The following PTPRN2 variants were observed in gnomAD, a reference collection of about 807,000 sequenced individuals.
The protein encoded by PTPRN2 is protein tyrosine phosphatase receptor type N2, also known as receptor-type tyrosine-protein phosphatase N2.
A neutral mutation model predicts 118.8 loss-of-function variants in PTPRN2; 74 were observed. That is an observed-to-expected ratio of 0.62 (90% CI 0.52 to 0.76). The LOEUF is 0.76. PTPRN2 is among the 30% of genes least tolerant of loss of function. The pLI is 0.00. For missense variants in PTPRN2, 1,481 were observed against 1,394.4 expected (o/e 1.06, Z -0.99); for synonymous variants, 641 against 608.0 (o/e 1.05, Z -0.80).
chr7:157,935,950 G>A (rs1799672368), intron 11 of PTPRN2, among the ~76,000 whole-genome samples: 1 of 150,840 alleles, frequency 6.6e-6, no homozygotes, highest in Non-Finnish European at 1.5e-5. Flanking sequence ...GCTCCCTCAG[G>A]GGTGTCTAGC....
At chr7:157,623,427 T>G (rs528159602) in intron 14 of PTPRN2, among the ~76,000 whole-genome samples, 1 of 152,290 alleles carries the variant, frequency 6.6e-6, no homozygotes, top group Non-Finnish European at 1.5e-5. Context: ...AATGCTCTTT[T>G]CATAAAATCC....
intron 11 of PTPRN2, among the ~76,000 whole-genome samples, chr7:158,080,567 T>G (rs773794120): frequency 3.4e-4 from 43 of 127,302 alleles, no homozygotes; most frequent in Non-Finnish European, 6.4e-4. Context: ...CTACAAGAGT[T>G]TTCAACAAGT....
intron 3 of PTPRN2, among the ~76,000 whole-genome samples, chr7:158,307,883 G>A (rs1233196080): frequency 6.6e-6 from 1 of 152,084 alleles, no homozygotes; most frequent in Non-Finnish European, 1.5e-5. Flanking sequence ...GAGGGGACCT[G>A]GTGACTTTCT....
At chr7:158,429,475 C>T (rs761713721) in intron 2 of PTPRN2, among the ~76,000 whole-genome samples, 14 of 152,218 alleles carry the variant, frequency 9.2e-5, no homozygotes, top group African/African-American at 1.2e-4. Context: ...TCCCACGGAC[C>T]GTCAGCCCAA....
At chr7:158,359,140 G>A (rs114204424) in intron 2 of PTPRN2, among the ~76,000 whole-genome samples, 2,331 of 152,230 alleles carry the variant, frequency 0.015, 54 homozygotes, top group African/African-American at 0.053. Context: ...GGCCATGGCC[G>A]GCGAGTCCCT....
intron 12 of PTPRN2, among the ~76,000 whole-genome samples, chr7:157,862,037 C>T (rs1221103801): frequency 1.2e-5 from 1 of 86,404 alleles, no homozygotes. Flanking sequence ...CGGAGTCTGT[C>T]CTCCCCATCA....
At chr7:158,032,472 G>A (rs1214917495) in intron 11 of PTPRN2, among the ~76,000 whole-genome samples, 3 of 152,128 alleles carry the variant, frequency 2.0e-5, no homozygotes, top group Non-Finnish European at 4.4e-5. Flanking sequence ...ACAGGAGGAA[G>A]GCCGGATGCA....
chr7:157,873,240 C>T (rs1035194898), intron 12 of PTPRN2, among the ~76,000 whole-genome samples: 13 of 152,252 alleles, frequency 8.5e-5, no homozygotes, highest in African/African-American at 3.1e-4. Context: ...AATGTTTCCG[C>T]CACCAGCGAG....
intron 12 of PTPRN2, among the ~76,000 whole-genome samples, chr7:157,833,729 T>G (rs1807743655): frequency 6.6e-6 from 1 of 152,262 alleles, no homozygotes; most frequent in Non-Finnish European, 1.5e-5. Context: ...GTTAGTATGA[T>G]GATCTTATCC....
intron 2 of PTPRN2, among the ~76,000 whole-genome samples, chr7:158,479,198 G>A (rs1288687716): frequency 6.6e-6 from 1 of 152,066 alleles, no homozygotes; most frequent in African/African-American, 2.4e-5. Context: ...CTAAGGCTGT[G>A]AATGGGGCTC....
At chr7:158,374,582 C>G (rs188422239) in intron 2 of PTPRN2, among the ~76,000 whole-genome samples, 2 of 152,270 alleles carry the variant, frequency 1.3e-5, no homozygotes, top group East Asian at 3.9e-4. Flanking sequence ...AAGAACAAAG[C>G]CCGTCAACAG....
intron 2 of PTPRN2, among the ~76,000 whole-genome samples, chr7:158,356,976 G>A (rs1240655192): frequency 4.6e-5 from 7 of 152,152 alleles, no homozygotes; most frequent in Non-Finnish European, 5.9e-5. Context: ...TGTGCTGGCC[G>A]GGAGAGCGGC....
At chr7:157,660,317 A>G (rs893495623) in intron 13 of PTPRN2, among the ~76,000 whole-genome samples, 3 of 152,142 alleles carry the variant, frequency 2.0e-5, no homozygotes, top group Non-Finnish European at 4.4e-5. Context: ...TTTGCCACCC[A>G]TGGGAGAGCT....
chr7:157,691,080 CCA>C (rs1491226090), intron 12 of PTPRN2, among the ~76,000 whole-genome samples: 2 of 124,944 alleles, frequency 1.6e-5, no homozygotes, highest in African/African-American at 5.7e-5. Flanking sequence ...CCCCCCCCCC[CCA>C]CATGTTGCTG....
chr7:157,678,195 G>T lies in PTPRN2; in HGVS notation c.2001+4530C>A, dbSNP rs527447428. 2.2e-4 allele frequency among the ~76,000 whole-genome samples: 33 copies of T among 152,232 alleles called. No individual in the cohort carries two copies. In the South Asian group the frequency reaches 2.9e-3, roughly 13 times the overall value. On this transcript the variant is annotated intron_variant, in intron 13 of 22. Coordinates refer to ENST00000389418, the MANE Select transcript of PTPRN2 (RefSeq NM_002847.5). ...TCATTTTTGAAGCAGCATAGGTTTT[G>T]CTTATTTGAGTTTTGCAAAAAATAT...
At chr7:158,321,331 G>C (rs186662395) in intron 2 of PTPRN2, among the ~76,000 whole-genome samples, 1 of 152,160 alleles carries the variant, frequency 6.6e-6, no homozygotes, top group Non-Finnish European at 1.5e-5. Context: ...TCCTGCCTTC[G>C]TGTTCTTGGG....
At chr7:157,781,481 TGG>T (rs1803678147) in intron 12 of PTPRN2, among the ~76,000 whole-genome samples, 1 of 152,234 alleles carries the variant, frequency 6.6e-6, no homozygotes, top group Non-Finnish European at 1.5e-5. Context: ...TCAATTCTTC[TGG>T]GTCTGCTCTC....
At chr7:157,912,210 T>C (rs888534222) in intron 11 of PTPRN2, among the ~76,000 whole-genome samples, 12 of 152,248 alleles carry the variant, frequency 7.9e-5, no homozygotes, top group Non-Finnish European at 1.6e-4. Context: ...TTAAACACTT[T>C]GCCGATTTGG....
intron 2 of PTPRN2, among the ~76,000 whole-genome samples, chr7:158,480,485 A>C (rs2129444867): frequency 6.6e-6 from 1 of 152,322 alleles, no homozygotes. Context: ...GTGGCCTCTA[A>C]GTGTTCATGT....
Sources: gnomAD v4.1 joint callset for allele counts (sites outside exome capture counted in the v4.1 genomes callset) on GRCh38, gnomAD v4.1.1 for gene constraint, MANE v1.5 for transcripts, NCBI Gene and HGNC (gene_info 2026-07-23, HGNC 2026-07-21) for gene names.